GHRH: variants seen among roughly 807,000 people sequenced by gnomAD.
The protein encoded by GHRH is somatoliberin.
In GHRH, 7 loss-of-function variants were observed where a neutral mutation model predicts 15.6. The observed-to-expected ratio is 0.45, with a 90% confidence interval of 0.26 to 0.84. GHRH has a LOEUF of 0.84. GHRH is among the 40% of genes least tolerant of loss of function. GHRH has a pLI of 0.18. For missense variants in GHRH, 117 were observed against 138.0 expected, an observed-to-expected ratio of 0.85 and a Z score of 0.76; for synonymous variants, 54 against 50.4, an observed-to-expected ratio of 1.07 and a Z score of -0.30.
chr20:37,260,399 C>CAA (rs765888530), intron 1 of GHRH, among the ~76,000 whole-genome samples: 8,081 of 136,044 alleles, frequency 0.059, 273 homozygotes, highest in African/African-American at 0.11. Flanking sequence ...CCCATCTCTA[C>CAA]AAAAAAAAAA....
At chr20:37,251,304 G>C in intron 4 of GHRH, 73 bp from the exon 5 acceptor site, 2 of 1,241,898 alleles carry the variant, frequency 1.6e-6, no homozygotes, top group Non-Finnish European at 2.3e-6. Flanking sequence ...CATGGAACCA[G>C]GGTGACGGGT....
chr20:37,252,430 T>G (rs2068626688), intron 4 of GHRH, among the ~76,000 whole-genome samples: 1 of 152,146 alleles, frequency 6.6e-6, no homozygotes, highest in Admixed American at 6.5e-5. Context: ...GGACCAGAAG[T>G]GCCCAGCAGA....
intron 4 of GHRH, among the ~76,000 whole-genome samples, chr20:37,251,492 A>G (rs2146744889): frequency 6.6e-6 from 1 of 151,636 alleles, no homozygotes; most frequent in East Asian, 2.0e-4. Flanking sequence ...GCTTCCTCTA[A>G]TCCCCAGACA....
intron 4 of GHRH, among the ~76,000 whole-genome samples, chr20:37,253,199 C>T (rs1025413598): frequency 3.3e-5 from 5 of 152,218 alleles, no homozygotes; most frequent in Non-Finnish European, 7.3e-5. Flanking sequence ...GCTGCCGCCC[C>T]GTCTTTGCCT....
rs759549389 is a variant in GHRH, at chr20:37,256,431, G to A, written c.151C>T (p.Arg51Cys). ...CTCATGATGTCCTGGAGCAGCTTGC[G>A]GGCGGACAGCTGGCCCAGCACCTTC... ...YRKVLGQLSARKLLQDIMSRQ... is the reference protein window; with the variant it reads ...YRKVLGQLSACKLLQDIMSRQ... The change falls in exon 3 of 5, where the codon CGC becomes TGC. Residue 51 changes from arginine to cysteine, a missense_variant. Transcript: ENST00000373614. 25 of 1,613,166 alleles carry A rather than the reference G, an allele frequency of 1.5e-5. No individual in the cohort carries two copies. Among genetic ancestry groups the A allele is most frequent in the South Asian group, 2.2e-5 (2 of 91,010 alleles).
rs146220416 is a variant in GHRH, at chr20:37,254,373, T to C, written c.189-44A>G. On this transcript the variant is annotated intron_variant, in intron 3 of 4. Coordinates refer to ENST00000373614, the MANE Select transcript of GHRH (RefSeq NM_021081.6). ...AGAACTAGTTGCTATTTGGGTAGGA[T>C]GTGGAAAGGCAGGGGTATATCCCTA... 6.7e-4 allele frequency: 1,072 copies of C among 1,611,288 alleles called. 8 individuals are homozygous for C. In the African/African-American group the frequency reaches 0.013, roughly 19 times the overall value.
At chr20:37,256,762 G>T in intron 2 of GHRH, 45 bp downstream of exon 2, 1 of 1,457,442 alleles carries the variant, frequency 6.9e-7, no homozygotes, top group Non-Finnish European at 9.6e-7. Context: ...CCCCATGGCA[G>T]GGATGGCTTG....
chr20:37,260,450 T>C (rs1277850409), intron 1 of GHRH, among the ~76,000 whole-genome samples: 1 of 150,288 alleles, frequency 6.7e-6, no homozygotes, highest in African/African-American at 2.4e-5. Context: ...CTAGGCATGG[T>C]GGCGCATGCC....
intron 3 of GHRH, 75 bp downstream of exon 3, chr20:37,256,318 TG>T: frequency 1.2e-6 from 1 of 868,652 alleles, no homozygotes; most frequent in Non-Finnish European, 1.8e-6. Flanking sequence ...AATTGGTCCC[TG>T]GTCCCCTGTA....
At chr20:37,253,578 A>G (rs7271761) in intron 4 of GHRH, among the ~76,000 whole-genome samples, 14,677 of 152,132 alleles carry the variant, frequency 0.096, 1,754 homozygotes, top group African/African-American at 0.29. Context: ...TCCACCCTTC[A>G]TGACTAAAGA....
rs766929356 is a variant in GHRH, at chr20:37,256,891, C to T, written c.-2G>A. 3 of 1,606,696 alleles carry T rather than the reference C, an allele frequency of 1.9e-6. No homozygotes were observed. In the African/African-American group the frequency reaches 4.0e-5, roughly 21 times the overall value. Reference sequence around the variant, plus strand: ...AAAGAAGAACACCCAGAGTGGCATCCTTCACCCGGGGTGGCACCTGCAGAG... The same window carrying T: ...AAAGAAGAACACCCAGAGTGGCATCTTTCACCCGGGGTGGCACCTGCAGAG... On this transcript the variant is annotated 5_prime_UTR_variant, in exon 2 of 5. Transcript: ENST00000373614.
chr20:37,260,637 G>A (rs1365339012), intron 1 of GHRH, among the ~76,000 whole-genome samples: 1 of 152,166 alleles, frequency 6.6e-6, no homozygotes, highest in East Asian at 1.9e-4. Flanking sequence ...GACAACTTAA[G>A]GAGTCAAAAT....
chr20:37,255,346 CTT>C (rs2068648857), intron 3 of GHRH, among the ~76,000 whole-genome samples: 1 of 152,004 alleles, frequency 6.6e-6, no homozygotes, highest in African/African-American at 2.4e-5. Context: ...CTCTGCCACT[CTT>C]TGTGTGTCCT....
intron 1 of GHRH, among the ~76,000 whole-genome samples, chr20:37,257,803 C>T (rs1298201151): frequency 2.0e-5 from 3 of 152,230 alleles, no homozygotes; most frequent in African/African-American, 7.2e-5. Flanking sequence ...TACTTCGGCT[C>T]CTGGAAGGAT....
At chr20:37,256,686 T>C (rs2068658317) in intron 2 of GHRH, 121 bp downstream of exon 2, 1 of 820,794 alleles carries the variant, frequency 1.2e-6, no homozygotes, top group Non-Finnish European at 2.0e-6. Context: ...GGACGGGCAG[T>C]GGGTGCTGCC....
Position 37,254,317 on chromosome 20 carries a change from T to C in GHRH, c.201A>G (p.Gln67=), listed in dbSNP as rs774453969. The C allele has an allele frequency of 1.4e-5, 22 of 1,614,178 alleles. No individual in the cohort carries two copies. The highest frequency in any genetic ancestry group is 1.8e-5 in the Non-Finnish European group (21 of 1,180,006). Residue 67 remains glutamine (Q), a synonymous_variant, in exon 4 of 5, where the codon CAA becomes CAG. Coordinates refer to ENST00000373614, the MANE Select transcript of GHRH (RefSeq NM_021081.6). The stretch of plus-strand genomic sequence containing the variant: ...CAAGCCGTGCCCTTGCTCCTCGCTC[T>C]TGGTTGCTCTCTCTGTGTGGTTAGA... The part of the protein sequence containing the change: ...IMSRQQGESN[Q]ERGARARLGR...
rs1219053514 is a variant in GHRH, at chr20:37,258,802, C to T, written c.-19-1894G>A. 6.6e-6 allele frequency among the ~76,000 whole-genome samples: 1 copy of T among 152,110 alleles called. No homozygotes were observed. The highest frequency in any genetic ancestry group is 1.5e-5 in the Non-Finnish European group (1 of 68,022). On this transcript the variant is annotated intron_variant, in intron 1 of 4. Transcript: ENST00000373614. This position sits in a 1 kb window ranked among gnomAD's most constrained non-coding sequence, Gnocchi z 4.1. ...TGGCCCAGGCTGAGGTGCAGTGGTG[C>T]AATCATAGCTCACTACAGCCTCAAA...
chr20:37,257,047 G>T (rs1350961327), intron 1 of GHRH, 139 bp from the exon 2 acceptor site: 5 of 637,704 alleles, frequency 7.8e-6, no homozygotes, highest in Non-Finnish European at 1.4e-5. Context: ...AAAGAACCCA[G>T]ACACTGGAAG....
Position 37,258,935 on chromosome 20 carries a change from T to TCA in GHRH, c.-19-2029_-19-2028dup, listed in dbSNP as rs1359085399. On this transcript the variant is annotated intron_variant, in intron 1 of 4. Coordinates refer to ENST00000373614, the MANE Select transcript of GHRH (RefSeq NM_021081.6). The surrounding 1 kb of genome is among the most constrained non-coding windows in gnomAD (Gnocchi z 4.1). ...TGAAATTTTTTGTAAAGATAAAGTC[T>TCA]CACTATATTGCCGAGGCTGGTTTCA... 6.6e-6 allele frequency among the ~76,000 whole-genome samples: 1 copy of TCA among 152,172 alleles called. No homozygotes were observed. Among genetic ancestry groups the TCA allele is most frequent in the Non-Finnish European group, 1.5e-5 (1 of 68,028 alleles).
Sources: allele counts gnomAD v4.1 joint callset (sites outside exome capture counted in the v4.1 genomes callset), GRCh38; gene constraint gnomAD v4.1.1; non-coding constraint Gnocchi (gnomAD v3.1); transcripts MANE v1.5; gene names NCBI Gene and HGNC (gene_info 2026-07-23, HGNC 2026-07-21).